The following QTMAN variants were observed in gnomAD, a reference collection of about 807,000 sequenced individuals.
QTMAN encodes the protein tRNA-queuosine alpha-mannosyltransferase.
At chr2:144,294,820 A>T in the QTMAN span, among the ~76,000 whole-genome samples, 5 of 152,172 alleles carry the variant, frequency 3.3e-5, no homozygotes, top group Admixed American at 6.5e-5. Flanking sequence ...TCCATTGCTT[A>T]AAAGTGTCTG....
the QTMAN span, among the ~76,000 whole-genome samples, chr2:144,176,652 AAT>A: frequency 6.6e-6 from 1 of 152,204 alleles, no homozygotes; most frequent in Non-Finnish European, 1.5e-5. Context: ...GCACACAATT[AAT>A]ATGTTATATA....
the QTMAN span, among the ~76,000 whole-genome samples, chr2:144,243,343 C>A: frequency 6.6e-6 from 1 of 152,104 alleles, no homozygotes; most frequent in Non-Finnish European, 1.5e-5. Context: ...CCATAATGCC[C>A]ATTTATCTCC....
chr2:144,273,959 C>A, the QTMAN span, among the ~76,000 whole-genome samples: 1 of 152,104 alleles, frequency 6.6e-6, no homozygotes, highest in Non-Finnish European at 1.5e-5. Context: ...CATGGTGAAA[C>A]CCCATCTCTA....
chr2:144,289,816 T>C, the QTMAN span, among the ~76,000 whole-genome samples: 1 of 152,242 alleles, frequency 6.6e-6, no homozygotes, highest in South Asian at 2.1e-4. Context: ...AGACACACTT[T>C]ATTTTCAAAG....
the QTMAN span, among the ~76,000 whole-genome samples, chr2:144,083,041 T>C: frequency 6.6e-6 from 1 of 152,166 alleles, no homozygotes; most frequent in African/African-American, 2.4e-5. Context: ...AGGCCGGCAG[T>C]TGCCTTACAA....
the QTMAN span, among the ~76,000 whole-genome samples, chr2:143,979,823 C>T: frequency 8.5e-5 from 13 of 152,088 alleles, no homozygotes; most frequent in Non-Finnish European, 1.6e-4. Flanking sequence ...TTTGATGTTT[C>T]AAACAATACT....
At chr2:144,031,203 T>A in the QTMAN span, among the ~76,000 whole-genome samples, 1 of 151,200 alleles carries the variant, frequency 6.6e-6, no homozygotes, top group Non-Finnish European at 1.5e-5. Flanking sequence ...TTTTTTTTTT[T>A]AATACCAGGT....
the QTMAN span, among the ~76,000 whole-genome samples, chr2:144,151,812 A>C: frequency 1.3e-5 from 2 of 152,224 alleles, no homozygotes; most frequent in Non-Finnish European, 2.9e-5. Context: ...ATATTCATTA[A>C]TCATCAATAT....
At chr2:143,979,436 C>T in the QTMAN span, among the ~76,000 whole-genome samples, 5 of 152,198 alleles carry the variant, frequency 3.3e-5, no homozygotes, top group South Asian at 2.1e-4. Flanking sequence ...TAACAAAATG[C>T]GTGTCCATTG....
chr2:144,258,166 GA>G, the QTMAN span, among the ~76,000 whole-genome samples: 1 of 147,706 alleles, frequency 6.8e-6, no homozygotes, highest in Non-Finnish European at 1.5e-5. Context: ...AGATATATAA[GA>G]GATAAGTATA....
the QTMAN span, among the ~76,000 whole-genome samples, chr2:144,031,123 A>G: frequency 6.6e-6 from 1 of 152,152 alleles, no homozygotes; most frequent in Non-Finnish European, 1.5e-5. Flanking sequence ...TGAAGATACT[A>G]TTGATGTCTA....
chr2:144,021,848 G>A, the QTMAN span, among the ~76,000 whole-genome samples: 1 of 152,106 alleles, frequency 6.6e-6, no homozygotes, highest in Non-Finnish European at 1.5e-5. Flanking sequence ...TACTCATATT[G>A]GAAAAATAGG....
At chr2:144,152,523 G>A in the QTMAN span, among the ~76,000 whole-genome samples, 1 of 152,210 alleles carries the variant, frequency 6.6e-6, no homozygotes, top group African/African-American at 2.4e-5. Context: ...GAAGATACAA[G>A]AAGAGAGGGT....
chr2:144,281,711 C>G, the QTMAN span, among the ~76,000 whole-genome samples: 5 of 152,086 alleles, frequency 3.3e-5, no homozygotes, highest in South Asian at 1.0e-3. Flanking sequence ...ATGAGAGGAA[C>G]TTAGCATGCT....
At chr2:144,166,279 G>C in the QTMAN span, among the ~76,000 whole-genome samples, 1 of 152,068 alleles carries the variant, frequency 6.6e-6, no homozygotes. Flanking sequence ...CCACAAACTT[G>C]TCTGCATCAT....
the QTMAN span, among the ~76,000 whole-genome samples, chr2:144,049,479 C>T: frequency 6.6e-6 from 1 of 151,626 alleles, no homozygotes; most frequent in African/African-American, 2.4e-5. Flanking sequence ...AATGCAATGG[C>T]CAGAAAAAGA....
chr2:144,035,571 T>C, the QTMAN span, among the ~76,000 whole-genome samples: 1 of 152,120 alleles, frequency 6.6e-6, no homozygotes, highest in Non-Finnish European at 1.5e-5. Context: ...GTAACTATCA[T>C]CACAGAATCT....
At chr2:143,972,369 T>A in the QTMAN span, among the ~76,000 whole-genome samples, 1 of 152,150 alleles carries the variant, frequency 6.6e-6, no homozygotes, top group Admixed American at 6.5e-5. Flanking sequence ...TTCAGTTCTC[T>A]AAATTTTTCA....
the QTMAN span, among the ~76,000 whole-genome samples, chr2:144,110,285 G>C: frequency 2.6e-5 from 4 of 152,100 alleles, no homozygotes; most frequent in Non-Finnish European, 5.9e-5. Flanking sequence ...GCAAACTATT[G>C]CAAGGACAAA....
Sources: gnomAD v4.1 joint callset for allele counts (sites outside exome capture counted in the v4.1 genomes callset) on GRCh38, gnomAD v4.1.1 for gene constraint, MANE v1.5 for transcripts, NCBI Gene and HGNC (gene_info 2026-07-23, HGNC 2026-07-21) for gene names.